The following CMYA5 variants were observed in gnomAD, a reference collection of about 807,000 sequenced individuals.
CMYA5 encodes the protein cardiomyopathy associated 5.
In CMYA5, 246 loss-of-function variants were observed where a neutral mutation model predicts 318.9. The observed-to-expected ratio is 0.77, with a 90% CI of 0.70 to 0.86. The LOEUF (loss-of-function observed/expected upper bound fraction) is 0.86. Ranked by LOEUF, CMYA5 falls within the 40% of genes least tolerant of loss-of-function variation. The pLI is 0.00. For synonymous variants in CMYA5, 1,641 were observed against 1,729.5 expected, an observed-to-expected ratio of 0.95 and a Z score of 1.27; for missense variants, 4,589 against 4,678.2, an observed-to-expected ratio of 0.98 and a Z score of 0.56.
At chr5:79,715,109 T>C (rs1344760856) in intron 1 of CMYA5, among the ~76,000 whole-genome samples, 2 of 152,122 alleles carry the variant, frequency 1.3e-5, no homozygotes, top group Admixed American at 1.3e-4. Flanking sequence ...TATGTGTATA[T>C]GGAGGTTTTG....
At chr5:79,768,837 G>A (rs1355972627) in intron 9 of CMYA5, among the ~76,000 whole-genome samples, 1 of 152,110 alleles carries the variant, frequency 6.6e-6, no homozygotes, top group African/African-American at 2.4e-5. Context: ...TTGAGTGTTG[G>A]CCTGTCTTGC....
At chr5:79,761,071 G>A (rs1828641897) in intron 7 of CMYA5, among the ~76,000 whole-genome samples, 1 of 152,152 alleles carries the variant, frequency 6.6e-6, no homozygotes, top group African/African-American at 2.4e-5. Flanking sequence ...AAAATCATAT[G>A]TTTTAAAGGA....
chr5:79,734,069 A>T lies in CMYA5; in HGVS notation c.5304A>T (p.Glu1768Asp). The T allele has an allele frequency of 6.2e-7, 1 of 1,613,860 alleles. No individual in the cohort carries two copies. The highest frequency in any genetic ancestry group is 1.3e-5 in the African/African-American group (1 of 75,040). ...ACTTTAAAAAGGGAGGAAATCAAGA[A>T]ATAGGCCCATTACCACCAACTGGAA... ...PADFKKGGNQ[E>D]IGPLPPTGNL... Residue 1768 changes from glutamate to aspartate, a missense_variant, in exon 2 of 13, where the codon GAA becomes GAT. By Grantham distance (45) the Glu-to-Asp change is conservative. Coordinates refer to ENST00000446378, the MANE Select transcript of CMYA5 (RefSeq NM_153610.5).
chr5:79,761,977 G>A lies in CMYA5; in HGVS notation c.11407+20G>A. ...GGACAGGTAAGGAGATGGATGCTAA[G>A]GGTGCATTAGAAGACAACGCTCAGT... On this transcript the variant is annotated intron_variant, in intron 8 of 12. Transcript: ENST00000446378. The A allele has an allele frequency of 1.9e-6, 3 of 1,603,448 alleles. No individual in the cohort carries two copies. The highest frequency in any genetic ancestry group is 2.6e-6 in the Non-Finnish European group (3 of 1,175,244).
rs181292233 is a variant in CMYA5 at position 79,725,933 on chromosome 5, G to A, written c.150-2982G>A. On this transcript the variant is annotated intron_variant, in intron 1 of 12. Transcript: ENST00000446378. ...AATAAAATAATAAATTTTAAAAACT[G>A]GAAATTAAAAAAGAATGTTTGGTTG... Among the ~76,000 whole-genome samples the A allele has an allele frequency of 3.3e-5, 5 of 151,034 alleles. No homozygotes were observed. The East Asian group carries it at 1.0e-3, about 32-fold the overall frequency.
chr5:79,745,231 A>G lies in CMYA5; in HGVS notation c.10744A>G (p.Ser3582Gly). The change falls in exon 4 of 13, where the codon AGT (serine) becomes GGT (glycine). Residue 3582 changes from serine (S) to glycine (G), a missense_variant. Transcript: ENST00000446378. ...GCTTGTTTGTTTTCAGGAAAACTGT[A>G]GTAAAAATGAGAAAAGGCTAGAAGA... is the stretch of plus-strand genomic sequence containing the variant. The part of the protein sequence containing the change: ...SFFNTIEENC[S>G]KNEKRLEEQN... The G allele has an allele frequency of 1.3e-6, 2 of 1,570,848 alleles. No individual in the cohort carries two copies. Among genetic ancestry groups the G allele is most frequent in the Non-Finnish European group, 1.7e-6 (2 of 1,156,878 alleles).
intron 1 of CMYA5, among the ~76,000 whole-genome samples, chr5:79,728,283 CAGAT>C (rs1827790316): frequency 6.6e-6 from 1 of 151,044 alleles, no homozygotes; most frequent in Admixed American, 6.6e-5. Context: ...GAAAGAATGT[CAGAT>C]AGGGATTAGA....
intron 1 of CMYA5, among the ~76,000 whole-genome samples, chr5:79,713,836 G>A (rs1315936744): frequency 6.6e-6 from 1 of 152,148 alleles, no homozygotes; most frequent in East Asian, 1.9e-4. Context: ...TTCGGGAGGA[G>A]TAGGGGTAGG....
intron 6 of CMYA5, 112 bp downstream of exon 6, chr5:79,752,906 A>C: frequency 1.5e-6 from 1 of 683,694 alleles, no homozygotes; most frequent in Non-Finnish European, 2.4e-6. Flanking sequence ...ATGTAACTGG[A>C]AAAAGAAAAG....
intron 5 of CMYA5, among the ~76,000 whole-genome samples, chr5:79,751,111 A>G (rs544305873): frequency 7.9e-5 from 12 of 152,128 alleles, no homozygotes; most frequent in African/African-American, 2.7e-4. Flanking sequence ...TCCTCTGCTT[A>G]CCCTGATCCT....
chr5:79,794,937 C>A (rs1326332915), intron 12 of CMYA5, among the ~76,000 whole-genome samples: 1 of 152,158 alleles, frequency 6.6e-6, no homozygotes, highest in Non-Finnish European at 1.5e-5. Flanking sequence ...GACCCAGCCC[C>A]TACCCAGAGT....
chr5:79,745,486 C>A, intron 4 of CMYA5, 31 bp downstream of exon 4: 1 of 1,385,076 alleles, frequency 7.2e-7, no homozygotes, highest in Non-Finnish European at 1.0e-6. Flanking sequence ...GCTCAAACAC[C>A]TTGCGCCCAC....
intron 9 of CMYA5, chr5:79,763,412 C>A (rs868238009): frequency 3.9e-6 from 2 of 513,196 alleles, no homozygotes; most frequent in African/African-American, 1.9e-5. Flanking sequence ...GGCTACAATG[C>A]AGAATAACTC....
intron 1 of CMYA5, among the ~76,000 whole-genome samples, chr5:79,702,891 T>C (rs1827199046): frequency 6.6e-6 from 1 of 152,192 alleles, no homozygotes; most frequent in Admixed American, 6.5e-5. Context: ...TTGCAGCAAC[T>C]GGGACCCCTG....
At position 79,730,882 on chromosome 5, in the gene CMYA5, C is replaced by T; in HGVS notation, c.2117C>T (p.Ala706Val). 6.2e-7 allele frequency: 1 copy of T among 1,613,882 alleles called. No homozygotes were observed. The highest frequency in any genetic ancestry group is 8.5e-7 in the Non-Finnish European group (1 of 1,179,844). Residue 706 changes from alanine (A) to valine (V), a missense_variant, in exon 2 of 13, where the codon GCA (alanine) becomes GTA (valine). Physicochemically the swap from Ala to Val is moderately conservative, Grantham distance 64. Transcript: ENST00000446378. ...TCTGAATATTCAGTTCCATCACTGG[C>T]AACAAAAGAGTCACTGAAGAAAACA... ...SASEYSVPSL[A>V]TKESLKKTID...
At position 79,738,848 on chromosome 5, in the gene CMYA5, A is replaced by G. The variant is rs1310951322; in HGVS notation, c.10083A>G (p.Glu3361=). The G allele has an allele frequency of 6.2e-7, 1 of 1,613,924 alleles. No individual in the cohort carries two copies. The change falls in exon 2 of 13, where the codon GAA becomes GAG. Residue 3361 remains glutamate, a synonymous_variant. Coordinates refer to ENST00000446378, the MANE Select transcript of CMYA5 (RefSeq NM_153610.5). The stretch of plus-strand genomic sequence containing the variant: ...ATGAAGCAGGCAGTCACGGTAATGA[A>G]GTCGGAAATGCAAGTCCAGAGGTCA... ...RADEAGSHGN[E]VGNASPEVNL...
rs752403776 is a variant in CMYA5 at position 79,733,439 on chromosome 5, C to A, written c.4674C>A (p.Ile1558=). Residue 1558 remains isoleucine (I), a synonymous_variant, in exon 2 of 13, where the codon ATC becomes ATA. Transcript: ENST00000446378. ...TGTCACCTGCATCCAAACATATAAT[C>A]CCAAAAGGCAAAGATGAGGAAACAG... ...QNVSPASKHI[I]PKGKDEETAS... 6 of 1,613,828 alleles carry A rather than the reference C, an allele frequency of 3.7e-6. No individual in the cohort carries two copies. The South Asian group carries it at 6.6e-5, about 18-fold the overall frequency.
Position 79,689,996 on chromosome 5 carries a change from A to C in CMYA5, c.89A>C (p.Glu30Ala). The C allele has an allele frequency of 6.9e-7, 1 of 1,446,710 alleles. No homozygotes were observed. The highest frequency in any genetic ancestry group is 9.4e-7 in the Non-Finnish European group (1 of 1,068,016). 89.6% of individuals were successfully genotyped at this position (1,446,710 alleles called of 1,614,324 possible). A position where few individuals can be genotyped will look rare whatever the true frequency, so the allele number is the denominator to read the frequency against. Residue 30 changes from glutamate (E) to alanine (A), a missense_variant, in exon 1 of 13, where the codon GAG (glutamate) becomes GCG (alanine). This residue lies in a region of CMYA5 where 2,132 missense variants were observed against 2,131.3 expected (regional missense o/e 1.00). Transcript: ENST00000446378. The stretch of plus-strand genomic sequence containing the variant: ...GCGACCCGGGAGCTGGAGACCGAGG[A>C]GGAGTCGGAGGGCGAGGAGGACGAG... The part of the protein sequence containing the change: ...EEATRELETE[E>A]ESEGEEDETA...
At chr5:79,743,412 A>G (rs573069917) in intron 2 of CMYA5, among the ~76,000 whole-genome samples, 1 of 152,302 alleles carries the variant, frequency 6.6e-6, no homozygotes, top group Non-Finnish European at 1.5e-5. Flanking sequence ...GGCCATTAGT[A>G]TAAATGTGAA....
Sources: allele counts gnomAD v4.1 joint callset (sites outside exome capture counted in the v4.1 genomes callset), GRCh38; gene constraint gnomAD v4.1.1; regional missense constraint gnomAD v4.1.1; transcripts MANE v1.5; gene names NCBI Gene and HGNC (gene_info 2026-07-23, HGNC 2026-07-21).